The following BEND6 variants were observed in gnomAD, a reference collection of about 807,000 sequenced individuals.
BEND6 encodes the protein BEN domain containing 6, also known as BEN domain-containing protein 6.
BEND6 carries 24 observed loss-of-function variants against 31.8 expected under a neutral mutation model. The ratio of observed to expected loss-of-function variants is 0.75; its 90% CI spans 0.55 to 1.06. BEND6 has a LOEUF of 1.06. Among genes scored for constraint, BEND6 ranks in the 50% least tolerant of loss-of-function variants. BEND6 has a pLI of 0.00. For synonymous variants in BEND6, 109 were observed against 114.6 expected (o/e 0.95, Z 0.31); for missense variants, 294 against 327.4 (o/e 0.90, Z 0.79).
At chr6:56,956,965 C>G (rs1825106441) in intron 1 of BEND6, among the ~76,000 whole-genome samples, 1 of 152,212 alleles carries the variant, frequency 6.6e-6, no homozygotes, top group African/African-American at 2.4e-5. Flanking sequence ...GGGGAAATAA[C>G]TAACAGAATT....
At chr6:57,013,599 C>T (rs143799558) in intron 3 of BEND6, among the ~76,000 whole-genome samples, 36 of 152,238 alleles carry the variant, frequency 2.4e-4, no homozygotes, top group South Asian at 1.2e-3. Flanking sequence ...TTGGCCCCAC[C>T]GTGAGTCAGC....
chr6:56,991,084 G>A lies in BEND6; in HGVS notation c.121-1294G>A, dbSNP rs896398100. 2.0e-5 allele frequency among the ~76,000 whole-genome samples: 3 copies of A among 152,016 alleles called. No homozygotes were observed. In the South Asian group the frequency reaches 6.2e-4, roughly 32 times the overall value. ...CTTGTAAATAATGAACCATGATTATGGTTACACAATAAATTGATAATTGAA... is the reference window on the plus strand; with the variant it reads ...CTTGTAAATAATGAACCATGATTATAGTTACACAATAAATTGATAATTGAA... On this transcript the variant is annotated intron_variant, in intron 2 of 6. Transcript: ENST00000370746.
At chr6:57,014,416 G>T in intron 3 of BEND6, 1 of 1,239,740 alleles carries the variant, frequency 8.1e-7, no homozygotes, top group South Asian at 1.7e-5. Flanking sequence ...AATTAGACAA[G>T]GTTCAAGATC....
At chr6:57,020,735 A>G (rs1045815436) in intron 6 of BEND6, among the ~76,000 whole-genome samples, 1 of 151,694 alleles carries the variant, frequency 6.6e-6, no homozygotes, top group Non-Finnish European at 1.5e-5. Flanking sequence ...TCCTTTTCTA[A>G]ATGGTATGTT....
chr6:56,975,728 G>A, intron 1 of BEND6: 1 of 482,846 alleles, frequency 2.1e-6, no homozygotes, highest in Non-Finnish European at 4.1e-6. Flanking sequence ...GATATTTTGT[G>A]CATTCAATTG....
chr6:56,970,646 T>C (rs1825660603), intron 1 of BEND6, among the ~76,000 whole-genome samples: 2 of 152,222 alleles, frequency 1.3e-5, no homozygotes. Context: ...CTGGTAGTAT[T>C]TAATATATAG....
chr6:56,993,118 GA>G (rs1375158167), intron 3 of BEND6, among the ~76,000 whole-genome samples: 1 of 151,552 alleles, frequency 6.6e-6, no homozygotes, highest in Non-Finnish European at 1.5e-5. Context: ...CCAGTGGCTG[GA>G]AAAAAAATGA....
intron 3 of BEND6, among the ~76,000 whole-genome samples, chr6:56,994,997 C>G (rs186768612): frequency 7.9e-5 from 12 of 152,278 alleles, no homozygotes; most frequent in African/African-American, 2.9e-4. Context: ...TAGGAAGCCA[C>G]TGCCATCTCC....
At chr6:57,010,127 C>T (rs1018498161) in intron 3 of BEND6, 3 of 152,178 alleles carry the variant, frequency 2.0e-5, no homozygotes, top group African/African-American at 7.2e-5. Context: ...TAAAACAGTA[C>T]CTGAATCCGA....
intron 2 of BEND6, 135 bp from the exon 3 acceptor site, chr6:56,992,243 T>C (rs1826531492): frequency 2.1e-6 from 2 of 968,042 alleles, no homozygotes; most frequent in Admixed American, 2.8e-5. Flanking sequence ...AGGACAAAGC[T>C]GGGGCTAGAT....
At chr6:56,986,577 G>A (rs1241064034) in intron 2 of BEND6, among the ~76,000 whole-genome samples, 6 of 152,076 alleles carry the variant, frequency 3.9e-5, no homozygotes, top group Admixed American at 2.6e-4. Context: ...TGATTGATAA[G>A]ACAATAAAAA....
chr6:56,956,441 G>A (rs1021182925), intron 1 of BEND6, among the ~76,000 whole-genome samples: 3 of 152,134 alleles, frequency 2.0e-5, no homozygotes, highest in African/African-American at 7.2e-5. Context: ...ACATATTACC[G>A]TGTGTAAGTA....
At chr6:56,963,490 G>A (rs1825357995) in intron 1 of BEND6, among the ~76,000 whole-genome samples, 1 of 152,138 alleles carries the variant, frequency 6.6e-6, no homozygotes, top group African/African-American at 2.4e-5. Context: ...AGCATCTCCA[G>A]AAAACTGAAG....
intron 3 of BEND6, among the ~76,000 whole-genome samples, chr6:57,012,603 A>G (rs1827386112): frequency 6.6e-6 from 1 of 152,196 alleles, no homozygotes; most frequent in East Asian, 1.9e-4. Flanking sequence ...TTACAAACTC[A>G]TATTTTCCAA....
chr6:57,001,056 AAAAG>A (rs1414177922), intron 3 of BEND6, among the ~76,000 whole-genome samples: 1 of 152,092 alleles, frequency 6.6e-6, no homozygotes, highest in African/African-American at 2.4e-5. Flanking sequence ...ATGAAAAAGA[AAAAG>A]AAATCCAGAG....
At chr6:56,968,440 C>T (rs1825568943) in intron 1 of BEND6, among the ~76,000 whole-genome samples, 1 of 151,396 alleles carries the variant, frequency 6.6e-6, no homozygotes, top group African/African-American at 2.4e-5. Context: ...CCCACCTCAG[C>T]CTCCCCAGTA....
At chr6:57,004,764 G>GCTC in intron 3 of BEND6, 11 of 1,058,544 alleles carry the variant, frequency 1.0e-5, no homozygotes, top group African/African-American at 1.5e-5. Flanking sequence ...CACATCACCT[G>GCTC]AATGAGCAGG....
chr6:57,024,311 A>T lies in BEND6; in HGVS notation c.*10-1771A>T, dbSNP rs573194819. The stretch of plus-strand genomic sequence containing the variant: ...ATACTTAATTTTACCAGTGGGTTTT[A>T]TACCTTCAGATGTTTTGTTCTTGCA... On this transcript the variant is annotated intron_variant, in intron 6 of 6. Coordinates refer to ENST00000370746, the MANE Select transcript of BEND6 (RefSeq NM_152731.3). Among the ~76,000 whole-genome samples the T allele has an allele frequency of 3.3e-5, 5 of 152,292 alleles. No homozygotes were observed. In the South Asian group the frequency reaches 1.0e-3, roughly 32 times the overall value.
chr6:57,025,532 G>A (rs1389817829), intron 6 of BEND6, among the ~76,000 whole-genome samples: 4 of 152,192 alleles, frequency 2.6e-5, no homozygotes, highest in African/African-American at 7.2e-5. Flanking sequence ...TCCTGGTTAT[G>A]TGAAAAGGCT....
Sources: gnomAD v4.1 joint callset for allele counts (sites outside exome capture counted in the v4.1 genomes callset) on GRCh38, gnomAD v4.1.1 for gene constraint, MANE v1.5 for transcripts, NCBI Gene and HGNC (gene_info 2026-07-23, HGNC 2026-07-21) for gene names.